Variants in ZNF655 observed in about 807,000 individuals in gnomAD.
The protein encoded by ZNF655 is Vav-interacting Kruppel-like protein 1.
ZNF655 carries 3 observed loss-of-function variants against 6.6 expected under a neutral mutation model. That is an observed-to-expected ratio of 0.46 (90% CI 0.21 to 1.18). The LOEUF is 1.18. ZNF655 is among the 50% of genes most tolerant of loss of function. The probability of loss-of-function intolerance (pLI) is 0.24; values close to 1 mark genes in which losing one functional copy is unlikely to be tolerated. For synonymous variants in ZNF655, 178 were observed against 195.0 expected (o/e 0.91, Z 0.73); for missense variants, 526 against 572.3 (o/e 0.92, Z 0.83).
chr7:99,573,553 A>G lies in ZNF655; in HGVS notation c.1445A>G (p.His482Arg). 6.2e-7 allele frequency: 1 copy of G among 1,606,244 alleles called. No homozygotes were observed. The highest frequency in any genetic ancestry group is 8.5e-7 in the Non-Finnish European group (1 of 1,179,640). Residue 482 changes from histidine (H) to arginine (R), a missense_variant, in exon 3 of 3, where the codon CAT (histidine) becomes CGT (arginine). Coordinates refer to ENST00000252713, the MANE Select transcript of ZNF655 (RefSeq NM_138494.3). ...NSSQRAHLVQ[H>R]QSIHTKENS ...AGTCAGAGAGCACATCTAGTTCAACATCAGAGCATTCATACCAAAGAGAAC... is the reference window on the plus strand; with the variant it reads ...AGTCAGAGAGCACATCTAGTTCAACGTCAGAGCATTCATACCAAAGAGAAC...
At chr7:99,571,414 G>T in intron 2 of ZNF655, 1 of 1,232,562 alleles carries the variant, frequency 8.1e-7, no homozygotes, top group Non-Finnish European at 1.0e-6. Flanking sequence ...TAACTTCTGT[G>T]AAGACAAACC....
intron 2 of ZNF655, chr7:99,561,974 G>A (rs368239230): frequency 1.3e-6 from 2 of 1,581,642 alleles, no homozygotes; most frequent in South Asian, 1.2e-5. Context: ...CAGGTACCAG[G>A]TGAGCTGAGG....
chr7:99,562,415 A>T, intron 2 of ZNF655: 1 of 1,614,186 alleles, frequency 6.2e-7, no homozygotes, highest in Non-Finnish European at 8.5e-7. Context: ...CTCGAGAGGA[A>T]TGGGGATACC....
At chr7:99,561,917 C>T (rs1694994078) in intron 2 of ZNF655, 1 of 1,594,346 alleles carries the variant, frequency 6.3e-7, no homozygotes, top group Non-Finnish European at 8.5e-7. Flanking sequence ...GCCTGCTCTT[C>T]CCCGTGAGGG....
chr7:99,560,088 CT>C (rs201559591), intron 1 of ZNF655, among the ~76,000 whole-genome samples: 206 of 136,776 alleles, frequency 1.5e-3, no homozygotes, highest in Non-Finnish European at 1.7e-3. Context: ...TCTTTTTTTT[CT>C]TTTTTTTTTT....
rs951365178 is a variant in ZNF655 at position 99,569,831 on chromosome 7, G to A, written c.137-2414G>A. Among the ~76,000 whole-genome samples, 11 of 152,220 alleles carry A rather than the reference G, an allele frequency of 7.2e-5. 1 individual carries two copies. In the South Asian group the frequency reaches 1.5e-3, roughly 20 times the overall value. ...AAATTATTTCAGTAGTTTTGGGGGC[G>A]TACAAGTGGTTTTTTGTTACATGGA... On this transcript the variant is annotated intron_variant, in intron 2 of 2. Transcript: ENST00000252713.
chr7:99,563,882 C>T (rs1803415744), intron 2 of ZNF655: 2 of 1,597,718 alleles, frequency 1.3e-6, no homozygotes, highest in Non-Finnish European at 1.7e-6. Flanking sequence ...TCCGCCTTCC[C>T]ACCACCCGGA....
At chr7:99,562,565 G>A in intron 2 of ZNF655, 1 of 1,529,968 alleles carries the variant, frequency 6.5e-7, no homozygotes, top group Non-Finnish European at 8.9e-7. Context: ...CTAAGTATAA[G>A]GTCTCTGAGA....
At position 99,562,343 on chromosome 7, in the gene ZNF655, G is replaced by C. The variant is rs765639361; in HGVS notation, c.136+1648G>C. 3.7e-5 allele frequency: 59 copies of C among 1,612,922 alleles called. No individual in the cohort carries two copies. The South Asian group carries it at 6.1e-4, about 17-fold the overall frequency. ...GGTGCTACAGTGTTCTCATTCCTCA[G>C]AGCAGCCAGGATGTGTTATTTCAGG... On this transcript the variant is annotated intron_variant, in intron 2 of 2. Coordinates refer to ENST00000252713, the MANE Select transcript of ZNF655 (RefSeq NM_138494.3).
At chr7:99,571,494 C>T (rs1804066274) in intron 2 of ZNF655, 1 of 1,221,404 alleles carries the variant, frequency 8.2e-7, no homozygotes, top group East Asian at 3.2e-5. Context: ...CAACTTGCCC[C>T]TTAACACACA....
chr7:99,564,389 C>T, intron 2 of ZNF655: 1 of 1,046,342 alleles, frequency 9.6e-7, no homozygotes, highest in South Asian at 3.9e-5. Context: ...CTCCTGTGAA[C>T]CCTGGGCTTC....
intron 2 of ZNF655, among the ~76,000 whole-genome samples, chr7:99,566,019 A>ATGTGTGTG (rs995934518): frequency 1.5e-5 from 2 of 136,960 alleles, no homozygotes; most frequent in East Asian, 2.5e-4. Context: ...TAGGACATTT[A>ATGTGTGTG]TATGTGTGTG....
intron 2 of ZNF655, among the ~76,000 whole-genome samples, chr7:99,566,541 A>G (rs1468602303): frequency 1.3e-5 from 2 of 152,160 alleles, no homozygotes; most frequent in African/African-American, 2.4e-5. Flanking sequence ...AAAGCAGCAA[A>G]CCATATGATA....
At chr7:99,561,976 G>A in intron 2 of ZNF655, 1 of 1,580,532 alleles carries the variant, frequency 6.3e-7, no homozygotes, top group Non-Finnish European at 8.6e-7. Context: ...GGTACCAGGT[G>A]AGCTGAGGAA....
chr7:99,565,535 CA>C (rs1393514617), intron 2 of ZNF655, among the ~76,000 whole-genome samples: 1 of 152,148 alleles, frequency 6.6e-6, no homozygotes, highest in African/African-American at 2.4e-5. Flanking sequence ...CACTATGCAG[CA>C]GTAAATATAC....
chr7:99,571,747 G>T (rs760098125), intron 2 of ZNF655: 3 of 1,610,224 alleles, frequency 1.9e-6, no homozygotes, highest in Non-Finnish European at 2.5e-6. Context: ...ACAGGTCTTT[G>T]ATCTGGAAAC....
At chr7:99,570,807 T>C (rs1487339459) in intron 2 of ZNF655, 1 of 152,654 alleles carries the variant, frequency 6.6e-6, no homozygotes, top group Non-Finnish European at 1.5e-5. Context: ...ATGTGTGCTA[T>C]TAGAAGCTTT....
intron 2 of ZNF655, chr7:99,564,742 G>T: frequency 1.0e-6 from 1 of 983,116 alleles, no homozygotes; most frequent in Middle Eastern, 5.2e-4. Context: ...CTTTGTAGCA[G>T]TTTAATGCAG....
rs561030904 is a variant in ZNF655 at position 99,559,527 on chromosome 7, C to A, written c.-28+740C>A. Among the ~76,000 whole-genome samples the A allele has an allele frequency of 2.4e-4, 36 of 152,118 alleles. No individual in the cohort carries two copies. In the South Asian group the frequency reaches 3.5e-3, roughly 15 times the overall value. On this transcript the variant is annotated intron_variant, in intron 1 of 2. Transcript: ENST00000252713. The stretch of plus-strand genomic sequence containing the variant: ...AGCCTGGGCAACATAGCGAGACTCC[C>A]ATCTCTGCTAAAACAAAATTAAAAT...
Sources: allele counts gnomAD v4.1 joint callset (sites outside exome capture counted in the v4.1 genomes callset), GRCh38; gene constraint gnomAD v4.1.1; transcripts MANE v1.5; gene names NCBI Gene and HGNC (gene_info 2026-07-23, HGNC 2026-07-21).